Variants in ROS1 observed in about 807,000 individuals in gnomAD.
ROS1 encodes ROS proto-oncogene 1, receptor tyrosine kinase, also known as proto-oncogene tyrosine-protein kinase ROS.
ROS1 carries 263 observed loss-of-function variants against 273.5 expected under a neutral mutation model. That is an observed-to-expected ratio of 0.96 (90% CI 0.87 to 1.06). ROS1 has a LOEUF of 1.06. ROS1 is among the 50% of genes least tolerant of loss of function. The pLI, the probability that ROS1 is intolerant of heterozygous loss-of-function variation, is 0.00. For synonymous variants in ROS1, 1,008 were observed against 954.1 expected, an observed-to-expected ratio of 1.06 and a Z score of -1.04; for missense variants, 2,833 against 2,751.1, an observed-to-expected ratio of 1.03 and a Z score of -0.67.
chr6:117,364,371 G>A (rs2128657859), intron 21 of ROS1, among the ~76,000 whole-genome samples: 1 of 152,304 alleles, frequency 6.6e-6, no homozygotes, highest in East Asian at 1.9e-4. Flanking sequence ...GAGATTTGAT[G>A]AAACTGTAGT....
Position 117,356,844 on chromosome 6 carries a change from A to G in ROS1, c.3911T>C (p.Leu1304Ser). 6.2e-7 allele frequency: 1 copy of G among 1,614,176 alleles called. No individual in the cohort carries two copies. The highest frequency in any genetic ancestry group is 8.5e-7 in the Non-Finnish European group (1 of 1,180,018). ...AGCTGTGGGTTGCAGAATTCGGTGCAAGGTGTGACTGATAATACTGTAGTA... is the reference window on the plus strand; with the variant it reads ...AGCTGTGGGTTGCAGAATTCGGTGCGAGGTGTGACTGATAATACTGTAGTA... ...MFYYSIISHT[L>S]HRILQPTATN... The change falls in exon 26 of 44, where the codon TTG becomes TCG. Residue 1304 changes from leucine (L) to serine (S), a missense_variant. Physicochemically the swap from Leu to Ser is moderately radical, Grantham distance 145 (BLOSUM62 -2). Coordinates refer to ENST00000368507, the MANE Select transcript of ROS1 (RefSeq NM_001378902.1).
At chr6:117,296,232 TACTAAAA>T (rs1359215998) in intron 43 of ROS1, among the ~76,000 whole-genome samples, 2 of 136,922 alleles carry the variant, frequency 1.5e-5, no homozygotes, top group Non-Finnish European at 3.3e-5. Context: ...ACCCAGTCTC[TACTAAAA>T]AAAATACAAA....
rs146280016 is a variant in ROS1 at position 117,337,215 on chromosome 6, C to A, written c.5187G>T (p.Thr1729=). ...CTGGAAGTGAGGTGCTATTTTCTCC[C>A]GTCTTATAAACCACCACTACTCTGA... is the stretch of plus-strand genomic sequence containing the variant. ...YNVRVVVVYK[T]GENSTSLPES... is the part of the protein sequence containing the mutation. The change falls in exon 32 of 44, where the codon ACG becomes ACT. Residue 1729 remains threonine (T), a synonymous_variant. Transcript: ENST00000368507. 1.2e-6 allele frequency: 2 copies of A among 1,612,294 alleles called. No homozygotes were observed. The highest frequency in any genetic ancestry group is 1.3e-5 in the African/African-American group (1 of 74,796).
At chr6:117,345,672 C>G (rs1004594427) in intron 27 of ROS1, among the ~76,000 whole-genome samples, 1 of 152,212 alleles carries the variant, frequency 6.6e-6, no homozygotes. Flanking sequence ...ATGAAGCCAG[C>G]TCCTTCACTT....
chr6:117,313,332 A>G (rs1775680484), intron 39 of ROS1, among the ~76,000 whole-genome samples: 1 of 152,166 alleles, frequency 6.6e-6, no homozygotes. Context: ...TGGGAGGCCA[A>G]GGCAGGCAGA....
At chr6:117,393,752 T>C (rs557908480) in intron 11 of ROS1, among the ~76,000 whole-genome samples, 212 of 152,292 alleles carry the variant, frequency 1.4e-3, no homozygotes, top group Non-Finnish European at 2.4e-3. Flanking sequence ...AAAAATGGTC[T>C]TCCGAAAAGT....
chr6:117,312,233 T>C (rs755700805), intron 39 of ROS1, among the ~76,000 whole-genome samples: 2 of 152,246 alleles, frequency 1.3e-5, no homozygotes, highest in Non-Finnish European at 2.9e-5. Context: ...TTGATTTCCA[T>C]GGACAGCCTT....
chr6:117,389,446 G>A lies in ROS1; in HGVS notation c.1690C>T (p.His564Tyr), dbSNP rs2128704120. 6.2e-7 allele frequency: 1 copy of A among 1,614,194 alleles called. No individual in the cohort carries two copies. Among genetic ancestry groups the A allele is most frequent in the East Asian group, 2.2e-5 (1 of 44,870 alleles). The change falls in exon 13 of 44, where the codon CAC (histidine) becomes TAC (tyrosine). Residue 564 changes from histidine (H) to tyrosine (Y), a missense_variant. His to Tyr is a moderately conservative substitution (Grantham distance 83). Transcript: ENST00000368507. ...TCCTGCGGGCGGCCTGGCAGAGGGT[G>A]CAGCTGGGAGGATGAGCCAAAGATG... ...LVIFGSSSQLHPLPGRPQELS... is the reference protein window; with the variant it reads ...LVIFGSSSQLYPLPGRPQELS...
chr6:117,292,207 T>C (rs1267572139), intron 43 of ROS1, among the ~76,000 whole-genome samples: 3 of 152,100 alleles, frequency 2.0e-5, no homozygotes, highest in African/African-American at 7.2e-5. Context: ...TCTGACCTTG[T>C]GATCTGCCCG....
chr6:117,380,623 T>A (rs1772049477), intron 17 of ROS1, among the ~76,000 whole-genome samples: 1 of 152,064 alleles, frequency 6.6e-6, no homozygotes, highest in South Asian at 2.1e-4. Context: ...GATTCTACAA[T>A]TTTTTGCTGG....
intron 18 of ROS1, among the ~76,000 whole-genome samples, chr6:117,371,363 G>C (rs901627322): frequency 6.6e-6 from 1 of 152,196 alleles, no homozygotes; most frequent in African/African-American, 2.4e-5. Context: ...TGCAGCTGAG[G>C]CAAATTTACA....
intron 18 of ROS1, among the ~76,000 whole-genome samples, chr6:117,370,544 T>C (rs1554240856): frequency 6.6e-6 from 1 of 152,146 alleles, no homozygotes; most frequent in Non-Finnish European, 1.5e-5. Flanking sequence ...ACTTCTCCCT[T>C]AAAAACTATT....
intron 7 of ROS1, 122 bp downstream of exon 7, chr6:117,403,017 C>T (rs74476686): frequency 4.2e-5 from 45 of 1,061,280 alleles, no homozygotes; most frequent in Non-Finnish European, 6.2e-5. Flanking sequence ...AGTTATGTAC[C>T]CAGTTGTTGA....
intron 25 of ROS1, 27 bp downstream of exon 25, chr6:117,357,777 T>A: frequency 7.1e-7 from 1 of 1,411,374 alleles, no homozygotes; most frequent in Non-Finnish European, 9.9e-7. Context: ...TTCATCACAA[T>A]ATAAAAAAAT....
rs776302709 is a variant in ROS1 at position 117,425,487 on chromosome 6, A to G, written c.123+47T>C. ...TATCAGTTATAACAAGCTGAATGCT[A>G]CATGTTCTAGTTCCTGCAAAGACAA... is the stretch of plus-strand genomic sequence containing the variant. On this transcript the variant is annotated intron_variant, in intron 1 of 43. Transcript: ENST00000368507. The G allele has an allele frequency of 8.5e-6, 13 of 1,530,492 alleles. No individual in the cohort carries two copies. In the East Asian group the frequency reaches 3.1e-4, roughly 37 times the overall value. The allele number at this position is 1,530,492 out of a possible 1,614,324, so 94.8% of individuals were successfully genotyped here.
chr6:117,323,853 T>C (rs1776451710), intron 35 of ROS1, among the ~76,000 whole-genome samples: 2 of 152,066 alleles, frequency 1.3e-5, no homozygotes, highest in Non-Finnish European at 2.9e-5. Context: ...AAGCCAGAAA[T>C]GGATCTTCTG....
At chr6:117,354,890 T>C (rs993833443) in intron 26 of ROS1, among the ~76,000 whole-genome samples, 9 of 152,158 alleles carry the variant, frequency 5.9e-5, no homozygotes, top group African/African-American at 2.2e-4. Context: ...GTTGGGGTTT[T>C]TATAGCCAAG....
At chr6:117,338,309 T>C (rs560522539) in intron 31 of ROS1, among the ~76,000 whole-genome samples, 7 of 152,152 alleles carry the variant, frequency 4.6e-5, no homozygotes, top group African/African-American at 1.4e-4. Context: ...TGATTCTCTA[T>C]AGCATTTTCA....
chr6:117,425,648 G>T lies in ROS1; in HGVS notation c.9C>A (p.Asn3Lys). Residue 3 changes from asparagine to lysine, a missense_variant, in exon 1 of 44, where the codon AAC becomes AAA. Transcript: ENST00000368507. MK[N>K]IYCLIPKLVN... Reference sequence around the variant, plus strand: ...CAAGCTTCGGAATAAGACAGTAAATGTTCTTCATCACTTCACCAATGGCAG... The same window carrying T: ...CAAGCTTCGGAATAAGACAGTAAATTTTCTTCATCACTTCACCAATGGCAG... The T allele has an allele frequency of 6.2e-7, 1 of 1,610,894 alleles. No individual in the cohort carries two copies. The highest frequency in any genetic ancestry group is 1.7e-5 in the Admixed American group (1 of 59,430).
Sources: gnomAD v4.1 joint callset for allele counts (sites outside exome capture counted in the v4.1 genomes callset) on GRCh38, gnomAD v4.1.1 for gene constraint, MANE v1.5 for transcripts, NCBI Gene and HGNC (gene_info 2026-07-23, HGNC 2026-07-21) for gene names.